Variants in PLA2G10 observed in about 807,000 individuals in gnomAD.
PLA2G10 encodes group 10 secretory phospholipase A2.
PLA2G10 carries 9 observed loss-of-function variants against 7.9 expected under a neutral mutation model. The observed-to-expected ratio is 1.14, with a 90% confidence interval of 0.68 to 1.98. The LOEUF (loss-of-function observed/expected upper bound fraction) is 1.98. PLA2G10 is among the 30% of genes most tolerant of loss of function. The pLI, the probability that PLA2G10 is intolerant of heterozygous loss-of-function variation, is 0.00. For missense variants in PLA2G10, 53 were observed against 65.4 expected (o/e 0.81, Z 0.66); for synonymous variants, 19 against 27.5 (o/e 0.69, Z 0.97).
In PLA2G10 at chr16:14,678,829, C is replaced by G; in HGVS notation, c.356-6080G>C. On this transcript the variant is annotated intron_variant, in intron 3 of 3. Coordinates refer to ENST00000438167, the MANE Select transcript of PLA2G10 (RefSeq NM_003561.3). ...CTGCTCAAAACCCTCCTTGGCTCCCCATCTCTCTCAGAGAAGAGCCTCCAA... is the reference window on the plus strand; with the variant it reads ...CTGCTCAAAACCCTCCTTGGCTCCCGATCTCTCTCAGAGAAGAGCCTCCAA... 3 of 312,084 alleles carry G rather than the reference C, an allele frequency of 9.6e-6. 1 individual carries two copies. Among genetic ancestry groups the G allele is most frequent in the South Asian group, 7.7e-5 (3 of 38,908 alleles). The allele number at this position is 312,084 out of a possible 1,614,324, so 19.3% of individuals were successfully genotyped here. A position where few individuals can be genotyped will look rare whatever the true frequency, so the allele number is the denominator to read the frequency against.
At chr16:14,673,371 T>C (rs992736721) in intron 3 of PLA2G10, among the ~76,000 whole-genome samples, 12 of 150,894 alleles carry the variant, frequency 8.0e-5, no homozygotes, top group African/African-American at 2.9e-4. Context: ...AAAATAATAA[T>C]AGTAATTATT....
chr16:14,677,431 A>G (rs1428182737), intron 3 of PLA2G10, among the ~76,000 whole-genome samples: 6 of 152,074 alleles, frequency 3.9e-5, no homozygotes, highest in Admixed American at 2.0e-4. Flanking sequence ...CAGTGGCACG[A>G]TCTCAGCTCA....
intron 3 of PLA2G10, among the ~76,000 whole-genome samples, chr16:14,687,561 G>T (rs780489190): frequency 1.4e-4 from 21 of 151,722 alleles, no homozygotes; most frequent in Non-Finnish European, 2.2e-4. Context: ...TCCTCCTTCT[G>T]GTCCCCACCC....
At position 14,680,301 on chromosome 16, in the gene PLA2G10, T is replaced by C. The variant is rs538556416; in HGVS notation, c.356-7552A>G. On this transcript the variant is annotated intron_variant, in intron 3 of 3. Coordinates refer to ENST00000438167, the MANE Select transcript of PLA2G10 (RefSeq NM_003561.3). ...TTCTAGTAGAGACGGGGTTTCACCA[T>C]GTTGGCGAGACTGATCTCGAACTCC... Among the ~76,000 whole-genome samples, 11 of 152,222 alleles carry C rather than the reference T, an allele frequency of 7.2e-5. No individual in the cohort carries two copies. The South Asian group carries it at 8.3e-4, about 11-fold the overall frequency.
chr16:14,677,474 C>T (rs1960753917), intron 3 of PLA2G10, among the ~76,000 whole-genome samples: 1 of 152,156 alleles, frequency 6.6e-6, no homozygotes, highest in South Asian at 2.1e-4. Flanking sequence ...TCAAGCGATT[C>T]TCCTGCCTCA....
At chr16:14,680,002 G>C (rs1325425173) in intron 3 of PLA2G10, among the ~76,000 whole-genome samples, 1 of 151,832 alleles carries the variant, frequency 6.6e-6, no homozygotes, top group Non-Finnish European at 1.5e-5. Context: ...CCTCTTTTTT[G>C]TATTCCTAAC....
At position 14,693,309 on chromosome 16, in the gene PLA2G10, CTGTGTGTGTGTGTG is replaced by C. The variant is rs1177221583; in HGVS notation, c.97+810_97+823del. 4.9e-4 allele frequency among the ~76,000 whole-genome samples: 12 copies of C among 24,258 alleles called. 3 individuals are homozygous for C. The highest frequency in any genetic ancestry group is 9.3e-4 in the Non-Finnish European group (10 of 10,768). The allele number at this position is 24,258 out of a possible 152,430, so 15.9% of individuals were successfully genotyped here. A position where few individuals can be genotyped will look rare whatever the true frequency, so the allele number is the denominator to read the frequency against. ...CGCACATATGTGTGTCTGTGCTGCT[CTGTGTGTGTGTGTG>C]TGTGTGTGTGTGTGTGTGTGTGTGT... On this transcript the variant is annotated intron_variant, in intron 1 of 3. Transcript: ENST00000438167.
rs1315484389 is a variant in PLA2G10 at position 14,672,746 on chromosome 16, G to A, written c.359C>T (p.Pro120Leu). The stretch of plus-strand genomic sequence containing the variant: ...CAGTTCTTGGCATTTGTTCTCTGCC[G>A]GTCCTGGAAGAAGTGGGGAAACTGA... ...QCVNQSVLCGPAENKCQELLC... is the reference protein window; with the variant it reads ...QCVNQSVLCGLAENKCQELLC... Residue 120 changes from proline to leucine, a missense_variant, in exon 4 of 4, where the codon CCG (proline) becomes CTG (leucine). Physicochemically the swap from Pro to Leu is moderately conservative, Grantham distance 98 (BLOSUM62 -3). This residue lies in a region of PLA2G10 where 5 missense variants were observed against 18.4 expected (regional missense o/e 0.27). Coordinates refer to ENST00000438167, the MANE Select transcript of PLA2G10 (RefSeq NM_003561.3). 24 of 1,613,584 alleles carry A rather than the reference G, an allele frequency of 1.5e-5. No homozygotes were observed. The highest frequency in any genetic ancestry group is 2.2e-5 in the East Asian group (1 of 44,882).
chr16:14,686,574 C>G (rs1329267101), intron 3 of PLA2G10, among the ~76,000 whole-genome samples: 1 of 152,134 alleles, frequency 6.6e-6, no homozygotes, highest in African/African-American at 2.4e-5. Flanking sequence ...GATCTCGGCT[C>G]ACTGCAACCT....
At chr16:14,677,770 AGATGGATGGTGGGTGGATG>A (rs2151850029) in intron 3 of PLA2G10, among the ~76,000 whole-genome samples, 1 of 151,608 alleles carries the variant, frequency 6.6e-6, no homozygotes, top group Non-Finnish European at 1.5e-5. Flanking sequence ...ATGGCTGGAT[AGATGGATGGTGGGTGGATG>A]GATGGAAGAT....
chr16:14,674,901 G>C (rs1156581066), intron 3 of PLA2G10, among the ~76,000 whole-genome samples: 2 of 152,146 alleles, frequency 1.3e-5, no homozygotes, highest in Non-Finnish European at 2.9e-5. Flanking sequence ...GCCAGGCGTA[G>C]TGGCTCATGC....
chr16:14,683,801 A>C (rs1177329912), intron 3 of PLA2G10, among the ~76,000 whole-genome samples: 1 of 152,164 alleles, frequency 6.6e-6, no homozygotes, highest in African/African-American at 2.4e-5. Flanking sequence ...CGAGCAACAA[A>C]AGACAACAGA....
intron 3 of PLA2G10, among the ~76,000 whole-genome samples, chr16:14,684,145 G>A (rs1960978888): frequency 1.3e-5 from 2 of 150,974 alleles, no homozygotes; most frequent in African/African-American, 2.4e-5. Context: ...TGGATCATGA[G>A]GTCAGGAGTT....
rs769905506 is a variant in PLA2G10, at chr16:14,672,695, G to A, written c.410C>T (p.Ala137Val). 6.2e-7 allele frequency: 1 copy of A among 1,614,040 alleles called. No homozygotes were observed. The highest frequency in any genetic ancestry group is 8.5e-7 in the Non-Finnish European group (1 of 1,179,922). ...GTACTCAGTTTGGGCTAAGCAGTTA[G>A]CAATCTCCTGGTCACACTTGCACAA... ...ELLCKCDQEI[A>V]NCLAQTEYNL... is the part of the protein sequence containing the mutation. Residue 137 changes from alanine to valine, a missense_variant, in exon 4 of 4, where the codon GCT becomes GTT. Around this residue, in one of 2 missense-constraint regions of PLA2G10, gnomAD observed 48 missense variants for 47.0 expected, o/e 1.02. Transcript: ENST00000438167.
chr16:14,678,691 GC>G, intron 3 of PLA2G10: 1 of 395,874 alleles, frequency 2.5e-6, no homozygotes, highest in Non-Finnish European at 5.1e-6. Context: ...GATCGCTTGA[GC>G]CCAAAAGGCA....
At chr16:14,684,481 C>G (rs1960992880) in intron 3 of PLA2G10, among the ~76,000 whole-genome samples, 1 of 151,800 alleles carries the variant, frequency 6.6e-6, no homozygotes, top group Admixed American at 6.6e-5. Flanking sequence ...GCCTGACCAA[C>G]AGGGTGAAAC....
chr16:14,687,608 A>G (rs1221070125), intron 3 of PLA2G10, among the ~76,000 whole-genome samples: 1 of 152,064 alleles, frequency 6.6e-6, no homozygotes, highest in Non-Finnish European at 1.5e-5. Context: ...ACTGTTTATT[A>G]TCTGATGCCA....
intron 3 of PLA2G10, among the ~76,000 whole-genome samples, chr16:14,675,076 C>G (rs1960689540): frequency 6.6e-6 from 1 of 150,694 alleles, no homozygotes. Context: ...TAAGCTGAGG[C>G]AGAAGGATCG....
chr16:14,684,954 G>A (rs1451631358), intron 3 of PLA2G10, among the ~76,000 whole-genome samples: 1 of 152,154 alleles, frequency 6.6e-6, no homozygotes, highest in Admixed American at 6.6e-5. Context: ...ATTCACATAA[G>A]CCAAAAGGTG....
Sources: gnomAD v4.1 joint callset for allele counts (sites outside exome capture counted in the v4.1 genomes callset) on GRCh38, gnomAD v4.1.1 for gene constraint, gnomAD v4.1.1 regional missense constraint, MANE v1.5 for transcripts, NCBI Gene and HGNC (gene_info 2026-07-23, HGNC 2026-07-21) for gene names.